The following ACACA variants were observed in gnomAD, a reference collection of about 807,000 sequenced individuals.
The protein encoded by ACACA is acetyl-CoA carboxylase alpha.
In ACACA, 103 loss-of-function variants were observed where a neutral mutation model predicts 296.1. The ratio of observed to expected loss-of-function variants is 0.35; its 90% CI spans 0.30 to 0.41. The LOEUF is 0.41. Ranked by LOEUF, ACACA falls within the 10% of genes least tolerant of loss-of-function variation. The pLI is 1.00. For missense variants in ACACA, 1,554 were observed against 2,989.7 expected (o/e 0.52, Z 11.20); for synonymous variants, 953 against 1,038.6 (o/e 0.92, Z 1.58).
At chr17:37,174,153 G>T (rs576918049) in intron 41 of ACACA, among the ~76,000 whole-genome samples, 1 of 147,572 alleles carries the variant, frequency 6.8e-6, no homozygotes, top group Non-Finnish European at 1.5e-5. Context: ...GCGCCACCGC[G>T]CCTGGCTGTC....
At chr17:37,381,392 G>C (rs2050251285) in intron 1 of ACACA, among the ~76,000 whole-genome samples, 1 of 151,810 alleles carries the variant, frequency 6.6e-6, no homozygotes, top group Non-Finnish European at 1.5e-5. Flanking sequence ...CACCATGTTG[G>C]CCAGGCTAGT....
At chr17:37,247,570 T>C (rs546321756) in intron 18 of ACACA, among the ~76,000 whole-genome samples, 4 of 152,286 alleles carry the variant, frequency 2.6e-5, no homozygotes, top group East Asian at 1.9e-4. Context: ...TTTCACCACA[T>C]TGGCCACACC....
At position 37,113,825 on chromosome 17, in the gene ACACA, C is replaced by T. The variant is rs970556822; in HGVS notation, c.6275-560G>A. ...AACATAGTTAGTGCTCAACAAATAT[C>T]TGCTGAATGAATGAATGCTGAATAA... On this transcript the variant is annotated intron_variant, in intron 50 of 55. Coordinates refer to ENST00000616317, the MANE Select transcript of ACACA (RefSeq NM_198834.3). The surrounding 1 kb of genome is among the most constrained non-coding windows in gnomAD (Gnocchi z 4.0). Among the ~76,000 whole-genome samples, 3 of 152,182 alleles carry T rather than the reference C, an allele frequency of 2.0e-5. No homozygotes were observed. Among genetic ancestry groups the T allele is most frequent in the Non-Finnish European group, 4.4e-5 (3 of 68,034 alleles).
chr17:37,375,206 G>C (rs931304760), intron 1 of ACACA, among the ~76,000 whole-genome samples: 2 of 151,726 alleles, frequency 1.3e-5, no homozygotes, highest in African/African-American at 4.8e-5. Context: ...AAAAAAAAAG[G>C]CCAGGCACGG....
At chr17:37,374,784 C>T (rs1800585869) in intron 1 of ACACA, among the ~76,000 whole-genome samples, 1 of 152,208 alleles carries the variant, frequency 6.6e-6, no homozygotes, top group Non-Finnish European at 1.5e-5. Flanking sequence ...CAATGGTCAT[C>T]AGAATGTTGT....
At chr17:37,388,761 T>C (rs1171823192) in intron 1 of ACACA, 2 of 1,613,044 alleles carry the variant, frequency 1.2e-6, no homozygotes, top group East Asian at 4.5e-5. Flanking sequence ...GAGTTGCCAT[T>C]ATAGTATTTG....
At chr17:37,229,332 C>T in intron 25 of ACACA, among the ~76,000 whole-genome samples, 1 of 151,866 alleles carries the variant, frequency 6.6e-6, no homozygotes, top group Non-Finnish European at 1.5e-5. Flanking sequence ...AAGACGGAGT[C>T]TCTCTCTGTT....
rs577814348 is a variant in ACACA at position 37,212,919 on chromosome 17, G to A, written c.3684-2429C>T. ...CACTCTGTACCAAAAAAAAAAAAAAGCCACACACACAACTAAGGGAAGAGA... is the reference window on the plus strand; with the variant it reads ...CACTCTGTACCAAAAAAAAAAAAAAACCACACACACAACTAAGGGAAGAGA... On this transcript the variant is annotated intron_variant, in intron 29 of 55. Coordinates refer to ENST00000616317, the MANE Select transcript of ACACA (RefSeq NM_198834.3). 3.2e-3 allele frequency among the ~76,000 whole-genome samples: 464 copies of A among 144,088 alleles called. 2 individuals carry two copies. In the South Asian group the frequency reaches 0.033, roughly 10 times the overall value. The allele number at this position is 144,088 out of a possible 152,430, so 94.5% of individuals were successfully genotyped here.
At chr17:37,294,483 A>T (rs2083234663) in intron 3 of ACACA, among the ~76,000 whole-genome samples, 1 of 152,226 alleles carries the variant, frequency 6.6e-6, no homozygotes, top group Non-Finnish European at 1.5e-5. Flanking sequence ...CACACAAACG[A>T]AGATTCAATC....
At chr17:37,388,577 CT>C in intron 1 of ACACA, 1 of 1,433,044 alleles carries the variant, frequency 7.0e-7, no homozygotes, top group Non-Finnish European at 9.6e-7. Flanking sequence ...CTCTAATAGT[CT>C]TGTGAGCCAG....
Position 37,161,783 on chromosome 17 carries a change from T to C in ACACA, c.5347A>G (p.Lys1783Glu). ...TAGTATATGCTCTTAGTGTGTACCT[T>C]GTAAGGATCCTCAGGATCTACCCAG... ...VAWVDPEDPYKGYRYLYLTPQ... is the reference protein window; with the variant it reads ...VAWVDPEDPYEGYRYLYLTPQ... The change falls in exon 42 of 56, where the codon AAG becomes GAG. Residue 1783 changes from lysine to glutamate, a missense_variant and splice_region_variant. Physicochemically the swap from Lys to Glu is moderately conservative, Grantham distance 56. Around this residue, in one of 16 missense-constraint regions of ACACA, gnomAD observed 553 missense variants for 1,043.6 expected, o/e 0.53. Transcript: ENST00000616317. The C allele has an allele frequency of 6.2e-7, 1 of 1,610,514 alleles. No individual in the cohort carries two copies. Among genetic ancestry groups the C allele is most frequent in the Non-Finnish European group, 8.5e-7 (1 of 1,179,978 alleles).
chr17:37,293,951 G>C (rs2083205008), intron 3 of ACACA, among the ~76,000 whole-genome samples: 1 of 152,124 alleles, frequency 6.6e-6, no homozygotes, highest in Non-Finnish European at 1.5e-5. Flanking sequence ...AGAGATATCA[G>C]ACACTATCAT....
intron 47 of ACACA, among the ~76,000 whole-genome samples, chr17:37,127,886 A>G (rs1290602769): frequency 6.6e-6 from 1 of 150,702 alleles, no homozygotes; most frequent in East Asian, 1.9e-4. Context: ...ACTGACAGGT[A>G]ATCTTAGGCT....
At chr17:37,209,918 A>G (rs764674636) in intron 30 of ACACA, among the ~76,000 whole-genome samples, 1 of 152,230 alleles carries the variant, frequency 6.6e-6, no homozygotes, top group Non-Finnish European at 1.5e-5. Context: ...ACTTAAATAT[A>G]CTTTTCCAAT....
intron 50 of ACACA, among the ~76,000 whole-genome samples, chr17:37,114,365 T>C (rs908568363): frequency 9.9e-5 from 15 of 151,330 alleles, no homozygotes; most frequent in African/African-American, 3.6e-4. Context: ...AGACCCTATC[T>C]CTACAAAAAC....
chr17:37,209,763 T>C (rs1483868879), intron 30 of ACACA, among the ~76,000 whole-genome samples: 1 of 152,202 alleles, frequency 6.6e-6, no homozygotes, highest in East Asian at 1.9e-4. Flanking sequence ...ATTTTGTGGA[T>C]TCAATTCCAA....
chr17:37,343,232 C>T (rs926505838), intron 1 of ACACA, among the ~76,000 whole-genome samples: 6 of 152,068 alleles, frequency 3.9e-5, no homozygotes. Context: ...CCTGCCTCAG[C>T]CTCCCAAAGT....
chr17:37,247,262 G>T (rs2080755817), intron 18 of ACACA, among the ~76,000 whole-genome samples: 1 of 151,982 alleles, frequency 6.6e-6, no homozygotes, highest in African/African-American at 2.4e-5. Flanking sequence ...TGACGTAATA[G>T]CTAACATTTC....
At chr17:37,297,446 G>GAAA (rs34538373) in intron 3 of ACACA, among the ~76,000 whole-genome samples, 49 of 116,592 alleles carry the variant, frequency 4.2e-4, no homozygotes, top group African/African-American at 1.3e-3. Flanking sequence ...TGTCTCGAAA[G>GAAA]AAAAAAAAAA....
Sources: gnomAD v4.1 joint callset for allele counts (sites outside exome capture counted in the v4.1 genomes callset) on GRCh38, gnomAD v4.1.1 for gene constraint, gnomAD v4.1.1 regional missense constraint, Gnocchi (gnomAD v3.1) non-coding constraint, MANE v1.5 for transcripts, NCBI Gene and HGNC (gene_info 2026-07-23, HGNC 2026-07-21) for gene names.